Variants in UBXN2B observed in about 807,000 individuals in gnomAD.
UBXN2B encodes the protein UBX domain-containing protein 2B.
A neutral mutation model predicts 37.5 loss-of-function variants in UBXN2B; 19 were observed. The ratio of observed to expected loss-of-function variants is 0.51; its 90% CI spans 0.35 to 0.74. UBXN2B has a LOEUF of 0.74. Among genes scored for constraint, UBXN2B ranks in the 30% least tolerant of loss-of-function variants. UBXN2B has a pLI of 0.01. For synonymous variants in UBXN2B, 145 were observed against 143.8 expected, an observed-to-expected ratio of 1.01 and a Z score of -0.06; for missense variants, 370 against 393.2, an observed-to-expected ratio of 0.94 and a Z score of 0.50.
chr8:58,414,617 T>A (rs1417428498), intron 1 of UBXN2B, among the ~76,000 whole-genome samples: 1 of 152,136 alleles, frequency 6.6e-6, no homozygotes, highest in Non-Finnish European at 1.5e-5. Flanking sequence ...AAATTATCAT[T>A]TCCTCTTTTG....
intron 2 of UBXN2B, among the ~76,000 whole-genome samples, chr8:58,417,341 C>A (rs1807811140): frequency 6.6e-6 from 1 of 152,094 alleles, no homozygotes; most frequent in African/African-American, 2.4e-5. Context: ...CTTTCATGTG[C>A]AAGTTTGTCA....
chr8:58,426,803 A>G, intron 2 of UBXN2B: 1 of 596,700 alleles, frequency 1.7e-6, no homozygotes, highest in South Asian at 1.5e-5. Context: ...GGGCGGAGCC[A>G]GCCGACTGTG....
At chr8:58,444,936 G>A (rs773142805) in intron 6 of UBXN2B, among the ~76,000 whole-genome samples, 1 of 152,082 alleles carries the variant, frequency 6.6e-6, no homozygotes. Context: ...ATTTAGATTG[G>A]ACTAAAGCCC....
rs35647877 is a variant in UBXN2B at position 58,437,950 on chromosome 8, G to GCC, written c.534-1674_534-1673dup. ...AGGCATTTCAGAGACCTTTAAGGCA[G>GCC]CCCCCCCCCCAACCCCCATCACAGG... is the stretch of plus-strand genomic sequence containing the variant. On this transcript the variant is annotated intron_variant, in intron 5 of 7. Transcript: ENST00000399598. Among the ~76,000 whole-genome samples, 518 of 143,830 alleles carry GCC rather than the reference G, an allele frequency of 3.6e-3. 2 individuals are homozygous for GCC. The highest frequency in any genetic ancestry group is 6.9e-3 in the Middle Eastern group (2 of 290). 94.4% of individuals were successfully genotyped at this position (143,830 alleles called of 152,430 possible). A position where few individuals can be genotyped will look rare whatever the true frequency, so the allele number is the denominator to read the frequency against.
At chr8:58,446,190 T>A in intron 7 of UBXN2B, 122 bp downstream of exon 7, 1 of 1,090,972 alleles carries the variant, frequency 9.2e-7, no homozygotes, top group Non-Finnish European at 1.2e-6. Flanking sequence ...ACTTTTGAAG[T>A]AAGTTTTTGA....
intron 5 of UBXN2B, chr8:58,435,116 GGAGTTATTTCTAAGTA>G (rs1808379281): frequency 2.1e-6 from 3 of 1,406,976 alleles, no homozygotes; most frequent in Non-Finnish European, 2.8e-6. Context: ...AGCTGAAAGT[GGAGTTATTTCTAAGTA>G]GATATGCAAC....
chr8:58,434,567 A>G (rs1228429368), intron 5 of UBXN2B, 63 bp downstream of exon 5: 5 of 1,198,134 alleles, frequency 4.2e-6, no homozygotes, highest in South Asian at 3.5e-5. Context: ...TTAACAGACT[A>G]CTCATTATTA....
chr8:58,442,420 C>T (rs1808571292), intron 6 of UBXN2B, among the ~76,000 whole-genome samples: 1 of 152,088 alleles, frequency 6.6e-6, no homozygotes, highest in South Asian at 2.1e-4. Flanking sequence ...TGGCTTGGTT[C>T]TCAAGAGTTC....
Position 58,411,489 on chromosome 8 carries a change from G to A in UBXN2B, c.84+20G>A. 8.0e-7 allele frequency: 1 copy of A among 1,249,270 alleles called. No homozygotes were observed. Among genetic ancestry groups the A allele is most frequent in the African/African-American group, 1.5e-5 (1 of 64,566 alleles). The allele number at this position is 1,249,270 out of a possible 1,614,324, so 77.4% of individuals were successfully genotyped here. On this transcript the variant is annotated intron_variant, in intron 1 of 7. Coordinates refer to ENST00000399598, the MANE Select transcript of UBXN2B (RefSeq NM_001077619.2). ...TTGCAGGTGAGGCGAGGAGCCGGGG[G>A]AGGGAGCGCGGCGGTGGACGCGGGC...
At chr8:58,444,521 G>A (rs1808623663) in intron 6 of UBXN2B, among the ~76,000 whole-genome samples, 1 of 152,124 alleles carries the variant, frequency 6.6e-6, no homozygotes, top group Non-Finnish European at 1.5e-5. Flanking sequence ...TGGCAGAGGT[G>A]GTAATGGTGG....
At chr8:58,418,210 C>A (rs1251320323) in intron 2 of UBXN2B, among the ~76,000 whole-genome samples, 1 of 140,800 alleles carries the variant, frequency 7.1e-6, no homozygotes, top group Non-Finnish European at 1.5e-5. Context: ...GACTGCACTC[C>A]AGCCTGAATG....
intron 2 of UBXN2B, chr8:58,426,179 C>T: frequency 1.5e-6 from 1 of 670,922 alleles, no homozygotes; most frequent in Non-Finnish European, 2.8e-6. Flanking sequence ...ACACAGATCA[C>T]AGTAATCACC....
intron 5 of UBXN2B, among the ~76,000 whole-genome samples, chr8:58,437,565 C>T (rs1808446752): frequency 6.6e-6 from 1 of 151,878 alleles, no homozygotes; most frequent in Non-Finnish European, 1.5e-5. Flanking sequence ...CCTTATGATC[C>T]ACCTGCCTTG....
Position 58,425,851 on chromosome 8 carries a change from A to G in UBXN2B, c.189-4668A>G. The G allele has an allele frequency of 1.7e-6, 2 of 1,161,136 alleles. 1 individual carries two copies. Among genetic ancestry groups the G allele is most frequent in the East Asian group, 4.7e-5 (2 of 42,646 alleles). The allele number at this position is 1,161,136 out of a possible 1,614,324, so 71.9% of individuals were successfully genotyped here. On this transcript the variant is annotated intron_variant, in intron 2 of 7. Coordinates refer to ENST00000399598, the MANE Select transcript of UBXN2B (RefSeq NM_001077619.2). ...CATCGTATTTCAGTTCCTGACAGCA[A>G]ATCATAACATGGGCCACTTTAGACT...
intron 1 of UBXN2B, 61 bp downstream of exon 1, chr8:58,411,530 C>G (rs1430305801): frequency 2.5e-6 from 3 of 1,222,550 alleles, no homozygotes; most frequent in Non-Finnish European, 3.1e-6. Flanking sequence ...ACGGCGCGGG[C>G]TGGTGCGAGT....
intron 2 of UBXN2B, among the ~76,000 whole-genome samples, chr8:58,421,223 A>C (rs1233514987): frequency 2.6e-5 from 4 of 152,172 alleles, no homozygotes; most frequent in African/African-American, 9.7e-5. Context: ...ACACACCAAG[A>C]AAGTCCTACA....
At chr8:58,425,085 G>A in intron 2 of UBXN2B, 1 of 786,808 alleles carries the variant, frequency 1.3e-6, no homozygotes. Flanking sequence ...TGGGGTCAAT[G>A]GGCACTCCGT....
chr8:58,442,054 C>A (rs1808563959), intron 6 of UBXN2B, among the ~76,000 whole-genome samples: 1 of 152,174 alleles, frequency 6.6e-6, no homozygotes, highest in South Asian at 2.1e-4. Flanking sequence ...AACATTCCAT[C>A]ATCGAAGAAA....
At chr8:58,417,318 CCT>C (rs2129603694) in intron 2 of UBXN2B, among the ~76,000 whole-genome samples, 1 of 152,220 alleles carries the variant, frequency 6.6e-6, no homozygotes, top group African/African-American at 2.4e-5. Context: ...ATAGAATTCT[CCT>C]CTCAAAACAA....
Sources: gnomAD v4.1 joint callset for allele counts (sites outside exome capture counted in the v4.1 genomes callset) on GRCh38, gnomAD v4.1.1 for gene constraint, MANE v1.5 for transcripts, NCBI Gene and HGNC (gene_info 2026-07-23, HGNC 2026-07-21) for gene names.